Variants in EDRF1 observed in about 807,000 individuals in gnomAD.
The protein encoded by EDRF1 is erythroid differentiation-related factor 1.
In EDRF1, 69 loss-of-function variants were observed where a neutral mutation model predicts 148.7. That is an observed-to-expected ratio of 0.46 (90% CI 0.38 to 0.57). The LOEUF is 0.57. Ranked by LOEUF, EDRF1 falls within the 20% of genes least tolerant of loss-of-function variation. The probability of loss-of-function intolerance (pLI) is 0.00; values close to 1 mark genes in which losing one functional copy is unlikely to be tolerated. For synonymous variants in EDRF1, 515 were observed against 532.8 expected (o/e 0.97, Z 0.46); for missense variants, 1,118 against 1,478.7 (o/e 0.76, Z 4.00).
In EDRF1 at chr10:125,725,500, G is replaced by T. The variant is rs2133672880; in HGVS notation, c.635+58G>T. ...AAAGGGAATTCTGATCTAAAATTTA[G>T]TGTGAAGCTTAATGAAGTTATAATT... is the stretch of plus-strand genomic sequence containing the variant. On this transcript the variant is annotated intron_variant, in intron 5 of 24. Transcript: ENST00000356792. The T allele has an allele frequency of 4.4e-6, 7 of 1,604,678 alleles. No homozygotes were observed. In the South Asian group the frequency reaches 4.4e-5, roughly 10 times the overall value.
At position 125,729,067 on chromosome 10, in the gene EDRF1, A is replaced by G. The variant is rs1459724321; in HGVS notation, c.857A>G (p.Asn286Ser). Residue 286 changes from asparagine (N) to serine (S), a missense_variant, in exon 7 of 25, where the codon AAC becomes AGC. Coordinates refer to ENST00000356792, the MANE Select transcript of EDRF1 (RefSeq NM_001202438.2). Reference sequence around the variant, plus strand: ...GTGGCCTCAGCCCCCAAAGAACAAAACCTGATTACTTTATTCAATGACGGG... The same window carrying G: ...GTGGCCTCAGCCCCCAAAGAACAAAGCCTGATTACTTTATTCAATGACGGG... ...GHVASAPKEQNLITLFNDGEH... is the reference protein window; with the variant it reads ...GHVASAPKEQSLITLFNDGEH... 6.3e-7 allele frequency: 1 copy of G among 1,578,672 alleles called. No homozygotes were observed. Among genetic ancestry groups the G allele is most frequent in the South Asian group, 1.1e-5 (1 of 87,558 alleles).
intron 6 of EDRF1, among the ~76,000 whole-genome samples, chr10:125,728,112 G>A (rs1848344809): frequency 6.6e-6 from 1 of 150,706 alleles, no homozygotes; most frequent in Admixed American, 6.6e-5. Flanking sequence ...TGAGGTAGGA[G>A]AATTGCTTGA....
At chr10:125,733,789 A>AT (rs772227678) in intron 11 of EDRF1, 46 bp downstream of exon 11, 1 of 1,525,720 alleles carries the variant, frequency 6.6e-7, no homozygotes, top group Non-Finnish European at 9.1e-7. Flanking sequence ...CTATTATATA[A>AT]AGTTTTAAAG....
At chr10:125,748,969 A>G in intron 21 of EDRF1, 1 of 232,584 alleles carries the variant, frequency 4.3e-6, no homozygotes. Context: ...TCGAAGTGGA[A>G]AGAAATCTTC....
At chr10:125,746,070 C>A in intron 19 of EDRF1, 140 bp downstream of exon 19, 1 of 747,644 alleles carries the variant, frequency 1.3e-6, no homozygotes, top group Non-Finnish European at 2.3e-6. Context: ...ATCGTGAAAA[C>A]ACTTGCAACC....
intron 9 of EDRF1, 115 bp from the exon 10 acceptor site, chr10:125,733,289 A>G: frequency 2.5e-6 from 2 of 794,446 alleles, no homozygotes; most frequent in South Asian, 3.3e-5. Flanking sequence ...AAACACTTTC[A>G]TGCTACATAG....
rs767481898 is a variant in EDRF1 at position 125,725,695 on chromosome 10, G to C, written c.649G>C (p.Gly217Arg). 1 of 1,614,048 alleles carries C rather than the reference G, an allele frequency of 6.2e-7. No homozygotes were observed. Among genetic ancestry groups the C allele is most frequent in the Non-Finnish European group, 8.5e-7 (1 of 1,180,002 alleles). Reference sequence around the variant, plus strand: ...TGGTTTGGCCAGTATCAATGGTGATGGAGCCGCTCAGCCTGTCTCATCCAC... The same window carrying C: ...TGGTTTGGCCAGTATCAATGGTGATCGAGCCGCTCAGCCTGTCTCATCCAC... Reference protein sequence around the residue: ...KFLYYSINGDGAAQPVSSTAE... With the variant: ...KFLYYSINGDRAAQPVSSTAE... Residue 217 changes from glycine to arginine, a missense_variant, in exon 6 of 25, where the codon GGA becomes CGA. Around this residue, in one of 3 missense-constraint regions of EDRF1, gnomAD observed 954 missense variants for 1,241.4 expected, o/e 0.77. Transcript: ENST00000356792.
At chr10:125,725,257 C>T in intron 4 of EDRF1, 61 bp from the exon 5 acceptor site, 3 of 1,597,578 alleles carry the variant, frequency 1.9e-6, no homozygotes, top group East Asian at 2.2e-5. Flanking sequence ...TAAGCTAGTA[C>T]TAGGTAACAT....
Position 125,719,859 on chromosome 10 carries a change from G to T in EDRF1, c.52G>T (p.Ala18Ser), listed in dbSNP as rs1257762938. The stretch of plus-strand genomic sequence containing the variant: ...CGAGGGTCCGCCGGCCGGGGCCGCC[G>T]CTCGAGGAGGGCTCAGCCTCCTGTC... ...GAEGPPAGAA[A>S]RGGLSLLSQG... Residue 18 changes from alanine to serine, a missense_variant, in exon 1 of 25, where the codon GCT (alanine) becomes TCT (serine). Transcript: ENST00000356792. 3.1e-6 allele frequency: 5 copies of T among 1,612,772 alleles called. No homozygotes were observed. Among genetic ancestry groups the T allele is most frequent in the East Asian group, 2.2e-5 (1 of 44,852 alleles).
rs771097528 is a variant in EDRF1, at chr10:125,745,933, A to G, written c.2814+3A>G. ...AAGAAGGCTTGTATTATAATAAGGTAACACATTCGCGTACATGTTGGGCCT... is the reference window on the plus strand; with the variant it reads ...AAGAAGGCTTGTATTATAATAAGGTGACACATTCGCGTACATGTTGGGCCT... On this transcript the variant is annotated splice_donor_region_variant and intron_variant, in intron 19 of 24. Transcript: ENST00000356792. 14 of 1,613,852 alleles carry G rather than the reference A, an allele frequency of 8.7e-6. No homozygotes were observed. The highest frequency in any genetic ancestry group is 8.3e-5 in the Admixed American group (5 of 60,028).
chr10:125,742,889 AAT>A, intron 17 of EDRF1, 167 bp from the exon 18 acceptor site: 1 of 853,420 alleles, frequency 1.2e-6, no homozygotes, highest in East Asian at 1.2e-4. Flanking sequence ...TTTATAAATA[AAT>A]AGATCTTTAT....
chr10:125,729,627 G>A (rs1848409926), intron 8 of EDRF1, 148 bp downstream of exon 8: 2 of 1,075,324 alleles, frequency 1.9e-6, no homozygotes, highest in Non-Finnish European at 2.8e-6. Flanking sequence ...TCTCAAAAAA[G>A]AATCAGTGTT....
In EDRF1 at chr10:125,743,287, C is replaced by G; in HGVS notation, c.2590+11C>G. 6.2e-7 allele frequency: 1 copy of G among 1,602,516 alleles called. No individual in the cohort carries two copies. The highest frequency in any genetic ancestry group is 8.5e-7 in the Non-Finnish European group (1 of 1,169,996). On this transcript the variant is annotated intron_variant, in intron 18 of 24. Coordinates refer to ENST00000356792, the MANE Select transcript of EDRF1 (RefSeq NM_001202438.2). ...AGAGTGAGAGACTAGGTGAGTATCTCTTTAGATTCCTCTCTATTGCTTGTT... is the reference window on the plus strand; with the variant it reads ...AGAGTGAGAGACTAGGTGAGTATCTGTTTAGATTCCTCTCTATTGCTTGTT...
At position 125,735,725 on chromosome 10, in the gene EDRF1, T is replaced by C; in HGVS notation, c.1579T>C (p.Leu527=). ...AAAGGAAGAAAATTCAGAATCTCCT[T>C]TAAATGAGAATTCTGATGAAAGTTA... The part of the protein sequence containing the change: ...PKKEENSESP[L]NENSDESYSE... The change falls in exon 13 of 25, where the codon TTA becomes CTA. Residue 527 remains leucine (L), a synonymous_variant. Transcript: ENST00000356792. The C allele has an allele frequency of 1.2e-6, 2 of 1,613,672 alleles. No individual in the cohort carries two copies. Among genetic ancestry groups the C allele is most frequent in the Non-Finnish European group, 8.5e-7 (1 of 1,179,720 alleles).
In EDRF1 at chr10:125,763,191, G is replaced by A. The variant is rs1850264073; in HGVS notation, c.3546-110G>A. ...ACCCGGCAGGAGAGGAATGCCTGCT[G>A]CTCTGTGAAGAGTGACTGTTGGGCT... On this transcript the variant is annotated intron_variant, in intron 24 of 24. Transcript: ENST00000356792. This position sits in a 1 kb window ranked among gnomAD's most constrained non-coding sequence, Gnocchi z 4.3. The A allele has an allele frequency of 1.8e-6, 2 of 1,089,030 alleles. No homozygotes were observed. Among genetic ancestry groups the A allele is most frequent in the African/African-American group, 3.1e-5 (2 of 64,790 alleles). The allele number at this position is 1,089,030 out of a possible 1,614,324, so 67.5% of individuals were successfully genotyped here.
intron 17 of EDRF1, chr10:125,742,455 G>A: frequency 9.4e-7 from 1 of 1,061,254 alleles, no homozygotes; most frequent in Non-Finnish European, 1.1e-6. Flanking sequence ...AGCTAGAGGA[G>A]TATACTGGGG....
chr10:125,740,851 G>A (rs923137985), intron 16 of EDRF1, 150 bp from the exon 17 acceptor site: 2 of 1,054,310 alleles, frequency 1.9e-6, no homozygotes, highest in Middle Eastern at 5.0e-4. Flanking sequence ...ACTACATGAA[G>A]CCGTAATATG....
intron 13 of EDRF1, 117 bp from the exon 14 acceptor site, chr10:125,737,801 T>A: frequency 1.0e-6 from 1 of 996,458 alleles, no homozygotes; most frequent in South Asian, 1.3e-5. Flanking sequence ...TGTTGTAGGA[T>A]CTTTTTAAGC....
chr10:125,752,812 T>C lies in EDRF1; in HGVS notation c.3291T>C (p.Asn1097=). 6.2e-7 allele frequency: 1 copy of C among 1,612,182 alleles called. No homozygotes were observed. Reference sequence around the variant, plus strand: ...TTAAAACTTTAGGTCAGAATAGCAATGTTGGAAAGTTGAAAACACTATCTG... The same window carrying C: ...TTAAAACTTTAGGTCAGAATAGCAACGTTGGAAAGTTGAAAACACTATCTG... ...AEFQMTSQNS[N]VGKLKTLSGA... The change falls in exon 23 of 25, where the codon AAT becomes AAC. Residue 1097 remains asparagine, a synonymous_variant. Coordinates refer to ENST00000356792, the MANE Select transcript of EDRF1 (RefSeq NM_001202438.2).
Sources: allele counts gnomAD v4.1 joint callset (sites outside exome capture counted in the v4.1 genomes callset), GRCh38; gene constraint gnomAD v4.1.1; regional missense constraint gnomAD v4.1.1; non-coding constraint Gnocchi (gnomAD v3.1); transcripts MANE v1.5; gene names NCBI Gene and HGNC (gene_info 2026-07-23, HGNC 2026-07-21).